Variants in C3 observed in about 807,000 individuals in gnomAD.
The protein encoded by C3 is C3 and PZP-like alpha-2-macroglobulin domain-containing protein 1.
Under a neutral mutation model 207.9 loss-of-function variants are expected in C3, and 97 were observed. The observed-to-expected ratio is 0.47, with a 90% CI of 0.40 to 0.55. The LOEUF (loss-of-function observed/expected upper bound fraction) is 0.55. C3 is among the 20% of genes least tolerant of loss of function. The pLI, the probability that C3 is intolerant of heterozygous loss-of-function variation, is 0.00. For missense variants in C3, 1,684 were observed against 2,171.7 expected (o/e 0.78, Z 4.46); for synonymous variants, 848 against 857.6 (o/e 0.99, Z 0.20).
chr19:6,697,203 AT>A lies in C3; in HGVS notation c.2796+140del, dbSNP rs5826946. ...CCCCAATCCTGGCTCTGCTTCTGAA[AT>A]TCTGGGACTTCCAAATTTCCTAAGC... is the stretch of plus-strand genomic sequence containing the variant. On this transcript the variant is annotated intron_variant, in intron 21 of 40. Transcript: ENST00000245907. The A allele has an allele frequency of 0.65, 474,664 of 727,720 alleles. 157,780 individuals are homozygous for A. Among genetic ancestry groups the A allele is most frequent in the East Asian group, 0.87 (31,835 of 36,754 alleles). 45.1% of individuals were successfully genotyped at this position (727,720 alleles called of 1,614,324 possible). A position where few individuals can be genotyped will look rare whatever the true frequency, so the allele number is the denominator to read the frequency against.
Position 6,690,618 on chromosome 19 carries a change from A to C in C3, c.3489+11T>G. 1 of 1,609,238 alleles carries C rather than the reference A, an allele frequency of 6.2e-7. No individual in the cohort carries two copies. The highest frequency in any genetic ancestry group is 8.5e-7 in the Non-Finnish European group (1 of 1,175,474). On this transcript the variant is annotated intron_variant, in intron 27 of 40. Transcript: ENST00000245907. The stretch of plus-strand genomic sequence containing the variant: ...AAGGTAGGGTAGGGTGGGAAGATGG[A>C]GGGCACTTACGTTGACCTGCTCCTC...
intron 37 of C3, 46 bp downstream of exon 37, chr19:6,679,361 G>T: frequency 6.6e-7 from 1 of 1,510,234 alleles, no homozygotes; most frequent in Non-Finnish European, 9.2e-7. Flanking sequence ...ACCTGGGTAA[G>T]TGTGGCTTGC....
intron 19 of C3, 67 bp downstream of exon 19, chr19:6,702,058 TAA>T: frequency 1.2e-6 from 1 of 844,384 alleles, no homozygotes; most frequent in Non-Finnish European, 2.1e-6. Context: ...TGAGTTTGGA[TAA>T]AATGAGATGA....
intron 22 of C3, 63 bp from the exon 23 acceptor site, chr19:6,696,528 A>C (rs1967537437): frequency 6.3e-7 from 1 of 1,598,164 alleles, no homozygotes. Context: ...TACCTCACTA[A>C]ACCCAGGTCA....
At chr19:6,686,009 C>T (rs1917996640) in intron 29 of C3, 115 bp downstream of exon 29, 4 of 1,055,754 alleles carry the variant, frequency 3.8e-6, no homozygotes, top group Non-Finnish European at 5.9e-6. Flanking sequence ...TGCAATCACA[C>T]TGGCTCGTGG....
intron 13 of C3, among the ~76,000 whole-genome samples, 178 bp downstream of exon 13, chr19:6,710,461 T>C (rs1057165369): frequency 8.7e-6 from 1 of 115,292 alleles, no homozygotes; most frequent in Admixed American, 9.6e-5. Flanking sequence ...GAAAGAGAGA[T>C]AAAAAGAGAG....
At chr19:6,704,451 A>T (rs1967732303) in intron 17 of C3, among the ~76,000 whole-genome samples, 1 of 152,134 alleles carries the variant, frequency 6.6e-6, no homozygotes, top group African/African-American at 2.4e-5. Flanking sequence ...AATCCCTTAA[A>T]AAATATATAT....
In C3 at chr19:6,691,699, C is replaced by T. The variant is rs531184942; in HGVS notation, c.3391-972G>A. Among the ~76,000 whole-genome samples, 8 of 152,084 alleles carry T rather than the reference C, an allele frequency of 5.3e-5. No homozygotes were observed. The South Asian group carries it at 1.7e-3, about 32-fold the overall frequency. ...GCGGGCACTTTTAAAAACTCAGATT[C>T]CTAGGCCGGGCGCGGTGGCTCATGC... is the stretch of plus-strand genomic sequence containing the variant. On this transcript the variant is annotated intron_variant, in intron 26 of 40. Transcript: ENST00000245907.
At chr19:6,686,098 T>C in intron 29 of C3, 26 bp downstream of exon 29, 1 of 1,612,912 alleles carries the variant, frequency 6.2e-7, no homozygotes, top group South Asian at 1.1e-5. Flanking sequence ...GGGATGCATG[T>C]GCCTAGGGGC....
At chr19:6,713,078 C>G (rs752989283) in intron 9 of C3, 111 bp downstream of exon 9, 34 of 1,362,632 alleles carry the variant, frequency 2.5e-5, no homozygotes, top group Non-Finnish European at 3.5e-5. Flanking sequence ...CTGAACCCCA[C>G]TTTCACTCTG....
At chr19:6,684,035 G>A (rs1917934387) in intron 33 of C3, among the ~76,000 whole-genome samples, 1 of 152,230 alleles carries the variant, frequency 6.6e-6, no homozygotes. Context: ...GGAGTTTGAG[G>A]TTACAGTGAG....
chr19:6,712,405 A>G lies in C3; in HGVS notation c.1121T>C (p.Val374Ala). ...AGAGCCATCAGGGTTCGTCACGAAC[A>G]CCTGTGATGTGGGGTGCAGGTGGGG... ...FKPGMPFDLM[V>A]FVTNPDGSPA... The change falls in exon 11 of 41, where the codon GTG becomes GCG. Residue 374 changes from valine to alanine, a missense_variant and splice_region_variant. This residue lies in a region of C3 where 1,280 missense variants were observed against 1,739.1 expected (regional missense o/e 0.74). Coordinates refer to ENST00000245907, the MANE Select transcript of C3 (RefSeq NM_000064.4). The G allele has an allele frequency of 6.2e-7, 1 of 1,614,132 alleles. No homozygotes were observed.
rs1286082774 is a variant in C3, at chr19:6,714,403, T to A, written c.548A>T (p.Gln183Leu). The change falls in exon 5 of 41, where the codon CAG becomes CTG. Residue 183 changes from glutamine (Q) to leucine (L), a missense_variant. Gln to Leu is a moderately radical substitution (Grantham distance 113). This residue lies in a region of C3 where 1,280 missense variants were observed against 1,739.1 expected (regional missense o/e 0.74). Transcript: ENST00000245907. ...IPVKQDSLSS[Q>L]NQLGVLPLSW... is the part of the protein sequence containing the mutation. ...CAAGGGCAAGACGCCAAGCTGGTTC[T>A]GAGAAGACAAGGAGTCCTGCTTGAC... 1 of 1,613,858 alleles carries A rather than the reference T, an allele frequency of 6.2e-7. No individual in the cohort carries two copies. The highest frequency in any genetic ancestry group is 8.5e-7 in the Non-Finnish European group (1 of 1,180,004).
intron 6 of C3, 41 bp downstream of exon 6, chr19:6,714,125 C>G (rs747907120): frequency 1.2e-6 from 2 of 1,608,860 alleles, no homozygotes; most frequent in African/African-American, 2.7e-5. Flanking sequence ...CTGGGCCAGG[C>G]GTTCTGGGCA....
rs11569449 is a variant in C3, at chr19:6,702,741, A to G, written c.2246-162T>C. 4.2e-3 allele frequency: 2,668 copies of G among 640,452 alleles called. 10 individuals carry two copies. The highest frequency in any genetic ancestry group is 5.6e-3 in the Non-Finnish European group (1,959 of 348,202). The allele number at this position is 640,452 out of a possible 1,614,324, so 39.7% of individuals were successfully genotyped here. A position where few individuals can be genotyped will look rare whatever the true frequency, so the allele number is the denominator to read the frequency against. On this transcript the variant is annotated intron_variant, in intron 17 of 40. Coordinates refer to ENST00000245907, the MANE Select transcript of C3 (RefSeq NM_000064.4). ...GGTGAAACCCATCTCTACTAAAAAT[A>G]CAAAAATTAAGGCTGGGCACGGTGG...
chr19:6,690,638 C>T lies in C3; in HGVS notation c.3480G>A (p.Glu1160=), dbSNP rs769936140. 3 of 1,614,000 alleles carry T rather than the reference C, an allele frequency of 1.9e-6. No homozygotes were observed. In the East Asian group the frequency reaches 6.7e-5, roughly 36 times the overall value. ...SLQEAKDICE[E]QVNSLPGSIT... The stretch of plus-strand genomic sequence containing the variant: ...GATGGAGGGCACTTACGTTGACCTG[C>T]TCCTCGCAAATATCTTTAGCCTCCT... The change falls in exon 27 of 41, where the codon GAG becomes GAA. Residue 1160 remains glutamate, a synonymous_variant. Coordinates refer to ENST00000245907, the MANE Select transcript of C3 (RefSeq NM_000064.4).
intron 4 of C3, among the ~76,000 whole-genome samples, chr19:6,715,094 C>T (rs2145433223): frequency 6.6e-6 from 1 of 152,216 alleles, no homozygotes; most frequent in African/African-American, 2.4e-5. Flanking sequence ...AGTGTCATTT[C>T]ATTTGCTGCC....
intron 24 of C3, 38 bp from the exon 25 acceptor site, chr19:6,693,525 G>T: frequency 6.3e-7 from 1 of 1,583,064 alleles, no homozygotes. Context: ...AAGAGCCGGG[G>T]CTGAGCAGAG....
At chr19:6,707,005 C>T in intron 17 of C3, 71 bp downstream of exon 17, 1 of 1,110,896 alleles carries the variant, frequency 9.0e-7, no homozygotes, top group Non-Finnish European at 1.3e-6. Flanking sequence ...AGGGCATCCT[C>T]CCTCCTCAGA....
Sources: allele counts gnomAD v4.1 joint callset (sites outside exome capture counted in the v4.1 genomes callset), GRCh38; gene constraint gnomAD v4.1.1; regional missense constraint gnomAD v4.1.1; transcripts MANE v1.5; gene names NCBI Gene and HGNC (gene_info 2026-07-23, HGNC 2026-07-21).